Variants in PDZRN4 observed in about 807,000 individuals in gnomAD.
The protein encoded by PDZRN4 is PDZ domain-containing RING finger protein 4.
In PDZRN4, 70 loss-of-function variants were observed where a neutral mutation model predicts 99.0. The observed-to-expected ratio is 0.71, with a 90% CI of 0.58 to 0.86. The LOEUF (loss-of-function observed/expected upper bound fraction) is 0.86, where lower values mean the gene tolerates loss of function less well. Ranked by LOEUF, PDZRN4 falls within the 40% of genes least tolerant of loss-of-function variation. The pLI, the probability that PDZRN4 is intolerant of heterozygous loss-of-function variation, is 0.00. For missense variants in PDZRN4, 1,474 were observed against 1,331.2 expected, an observed-to-expected ratio of 1.11 and a Z score of -1.67; for synonymous variants, 551 against 501.6, an observed-to-expected ratio of 1.10 and a Z score of -1.32.
intron 3 of PDZRN4, among the ~76,000 whole-genome samples, chr12:41,465,563 G>C (rs1952916797): frequency 1.3e-5 from 2 of 152,150 alleles, no homozygotes; most frequent in South Asian, 4.2e-4. Context: ...CTTATAGATA[G>C]GTTAATATAA....
At chr12:41,325,965 C>A (rs1006265041) in intron 3 of PDZRN4, among the ~76,000 whole-genome samples, 7 of 152,012 alleles carry the variant, frequency 4.6e-5, no homozygotes, top group African/African-American at 7.2e-5. Flanking sequence ...CACAACAGTG[C>A]TTTCGATGTT....
At chr12:41,266,966 C>T (rs1211867403) in intron 3 of PDZRN4, among the ~76,000 whole-genome samples, 3 of 152,080 alleles carry the variant, frequency 2.0e-5, no homozygotes, top group East Asian at 1.9e-4. Flanking sequence ...GTTGTCCATC[C>T]GTCTGTCCAT....
intron 3 of PDZRN4, among the ~76,000 whole-genome samples, chr12:41,498,254 C>T (rs548417760): frequency 1.3e-5 from 2 of 152,170 alleles, no homozygotes; most frequent in Admixed American, 1.3e-4. Flanking sequence ...CTGGACATTC[C>T]TGCTCAAAAT....
At chr12:41,264,399 A>C (rs2120840357) in intron 3 of PDZRN4, among the ~76,000 whole-genome samples, 1 of 152,284 alleles carries the variant, frequency 6.6e-6, no homozygotes, top group South Asian at 2.1e-4. Flanking sequence ...ATCACCTTTG[A>C]AATATGTTCT....
intron 3 of PDZRN4, among the ~76,000 whole-genome samples, chr12:41,203,436 G>A (rs1344838769): frequency 1.3e-5 from 2 of 152,040 alleles, no homozygotes; most frequent in Non-Finnish European, 2.9e-5. Flanking sequence ...TAGGAAGAAT[G>A]CCATGAGTCA....
chr12:41,365,386 T>C (rs1951992012), intron 3 of PDZRN4, among the ~76,000 whole-genome samples: 1 of 152,074 alleles, frequency 6.6e-6, no homozygotes, highest in South Asian at 2.1e-4. Context: ...TTAAATTGTA[T>C]GTTCTATTTA....
intron 3 of PDZRN4, among the ~76,000 whole-genome samples, chr12:41,310,971 G>A (rs1951602819): frequency 6.6e-6 from 1 of 152,088 alleles, no homozygotes; most frequent in Non-Finnish European, 1.5e-5. Flanking sequence ...CTCTGATCTA[G>A]AATGTAAATT....
At chr12:41,276,443 T>G (rs1951350436) in intron 3 of PDZRN4, among the ~76,000 whole-genome samples, 1 of 152,110 alleles carries the variant, frequency 6.6e-6, no homozygotes, top group Non-Finnish European at 1.5e-5. Context: ...GGGGATTATT[T>G]TATACACGTC....
At chr12:41,516,151 C>A (rs1189922675) in intron 5 of PDZRN4, among the ~76,000 whole-genome samples, 1 of 152,050 alleles carries the variant, frequency 6.6e-6, no homozygotes, top group Non-Finnish European at 1.5e-5. Context: ...GTACCGCAAT[C>A]TTTCCCACCA....
intron 3 of PDZRN4, among the ~76,000 whole-genome samples, chr12:41,299,103 G>C (rs532619808): frequency 4.6e-5 from 7 of 152,250 alleles, no homozygotes; most frequent in African/African-American, 1.4e-4. Context: ...CAGGCAGTGA[G>C]CCTAGGTTCT....
intron 3 of PDZRN4, among the ~76,000 whole-genome samples, chr12:41,225,527 A>G (rs1950987736): frequency 6.6e-6 from 1 of 152,014 alleles, no homozygotes; most frequent in East Asian, 1.9e-4. Context: ...AGTGCTTTAT[A>G]CTTAAATGCT....
At chr12:41,253,774 T>C (rs2120814051) in intron 3 of PDZRN4, among the ~76,000 whole-genome samples, 1 of 152,298 alleles carries the variant, frequency 6.6e-6, no homozygotes, top group Non-Finnish European at 1.5e-5. Flanking sequence ...GAAAATGTGA[T>C]ACATATACAC....
chr12:41,441,418 C>G (rs1429878452), intron 3 of PDZRN4, among the ~76,000 whole-genome samples: 2 of 152,116 alleles, frequency 1.3e-5, no homozygotes, highest in African/African-American at 4.8e-5. Flanking sequence ...GTCTCCCCAC[C>G]ACCTGCATCT....
intron 3 of PDZRN4, among the ~76,000 whole-genome samples, chr12:41,292,344 G>A (rs577764817): frequency 6.6e-6 from 1 of 152,280 alleles, no homozygotes; most frequent in South Asian, 2.1e-4. Context: ...GGAAGAGCTG[G>A]TTTCATGTTG....
intron 3 of PDZRN4, among the ~76,000 whole-genome samples, chr12:41,344,805 G>T (rs1455901786): frequency 6.7e-6 from 1 of 148,362 alleles, no homozygotes; most frequent in African/African-American, 2.5e-5. Context: ...CATAATTATC[G>T]ATAGGGATAT....
At chr12:41,439,657 C>A (rs1349309027) in intron 3 of PDZRN4, among the ~76,000 whole-genome samples, 1 of 152,114 alleles carries the variant, frequency 6.6e-6, no homozygotes, top group East Asian at 1.9e-4. Flanking sequence ...CCTTCAAGTG[C>A]TTCCTAAATC....
intron 5 of PDZRN4, 61 bp downstream of exon 5, chr12:41,509,974 A>G: frequency 1.3e-6 from 1 of 762,734 alleles, no homozygotes; most frequent in South Asian, 1.7e-5. Context: ...GGGGTTTTGT[A>G]TAACAAAGAA....
At chr12:41,211,994 T>G (rs1950891548) in intron 3 of PDZRN4, among the ~76,000 whole-genome samples, 1 of 151,944 alleles carries the variant, frequency 6.6e-6, no homozygotes, top group African/African-American at 2.4e-5. Context: ...TCCCTTTGCA[T>G]ATTTTATTTT....
At chr12:41,353,662 A>G (rs1010618835) in intron 3 of PDZRN4, among the ~76,000 whole-genome samples, 4 of 152,056 alleles carry the variant, frequency 2.6e-5, no homozygotes, top group Non-Finnish European at 5.9e-5. Context: ...GCAGTGGTGG[A>G]GGCAGAAGTG....
Sources: gnomAD v4.1 joint callset for allele counts (sites outside exome capture counted in the v4.1 genomes callset) on GRCh38, gnomAD v4.1.1 for gene constraint, MANE v1.5 for transcripts, NCBI Gene and HGNC (gene_info 2026-07-23, HGNC 2026-07-21) for gene names.